Variants in FLG2 observed in about 807,000 individuals in gnomAD.
FLG2 encodes the protein filaggrin 2.
A neutral mutation model predicts 3.9 loss-of-function variants in FLG2; 7 were observed. That is an observed-to-expected ratio of 1.79 (90% CI 1.02 to 3.36). The LOEUF (loss-of-function observed/expected upper bound fraction) is 3.36, where lower values mean the gene tolerates loss of function less well. Ranked by LOEUF, FLG2 falls within the 30% of genes most tolerant of loss-of-function variation. FLG2 has a pLI of 0.00. For synonymous variants in FLG2, 1,031 were observed against 1,056.1 expected (o/e 0.98, Z 0.46); for missense variants, 2,700 against 2,809.4 (o/e 0.96, Z 0.88).
chr1:152,351,404 G>A lies in FLG2; in HGVS notation c.6382C>T (p.Gln2128Ter), dbSNP rs1360803583. 1.3e-5 allele frequency: 21 copies of A among 1,613,402 alleles called. No individual in the cohort carries two copies. Among genetic ancestry groups the A allele is most frequent in the East Asian group, 2.2e-5 (1 of 44,792 alleles). ...GACTCTCCATGTTGAGATCTGGCTT[G>A]GCCATAAGTGTGTCCTGAATGTGTG... ...SHTHSGHTYG[Q>*]ARSQHGESGS... The change falls in exon 3 of 3, where the codon CAA becomes TAA. Residue 2128 changes from glutamine (Q) to a stop codon, truncating the protein, a stop_gained. Coordinates refer to ENST00000388718, the MANE Select transcript of FLG2 (RefSeq NM_001014342.3). LOFTEE classifies it low-confidence loss of function (END_TRUNC).
rs1258436168 is a variant in FLG2 at position 152,352,438 on chromosome 1, G to C, written c.5348C>G (p.Ser1783Cys). The C allele has an allele frequency of 1.9e-6, 3 of 1,611,634 alleles. No homozygotes were observed. The African/African-American group carries it at 4.1e-5, about 22-fold the overall frequency. Residue 1783 changes from serine (S) to cysteine (C), a missense_variant, in exon 3 of 3, where the codon TCT (serine) becomes TGT (cysteine). Coordinates refer to ENST00000388718, the MANE Select transcript of FLG2 (RefSeq NM_001014342.3). ...TGTCTGTGTGGACTGTCCATGACCA[G>C]AGTGGGCATGTCTGGTGGTATCGCC... ...QTGDTTRHAH[S>C]GHGQSTQTGS...
In FLG2 at chr1:152,355,563, C is replaced by T. The variant is rs376706039; in HGVS notation, c.2223G>A (p.Gln741=). The change falls in exon 3 of 3, where the codon CAG becomes CAA. Residue 741 remains glutamine, a synonymous_variant. Transcript: ENST00000388718. ...ACCCATGTTGTCCAAAGCCAGAGGACTGACCTGAGCCTGATCCATGTTGGC... is the reference window on the plus strand; with the variant it reads ...ACCCATGTTGTCCAAAGCCAGAGGATTGACCTGAGCCTGATCCATGTTGGC... The part of the protein sequence containing the change: ...SFGQHGSGSG[Q]SSGFGQHGSG... 5.6e-6 allele frequency: 9 copies of T among 1,613,522 alleles called. No homozygotes were observed. Among genetic ancestry groups the T allele is most frequent in the Non-Finnish European group, 7.6e-6 (9 of 1,179,940 alleles).
In FLG2 at chr1:152,357,592, T is replaced by TGATCTC. The variant is rs1402522546; in HGVS notation, c.188_193dup (p.Arg63_Asp64dup). 1 of 1,614,006 alleles carries TGATCTC rather than the reference T, an allele frequency of 6.2e-7. No homozygotes were observed. Among genetic ancestry groups the TGATCTC allele is most frequent in the Non-Finnish European group, 8.5e-7 (1 of 1,180,024 alleles). ...CTCAGTAAAGTCCAATCTTCTGTCA[T>TGATCTC]GATCTCGATCCAGCATATGCATGAT... is the stretch of plus-strand genomic sequence containing the variant. On this transcript the variant is annotated inframe_insertion, in exon 3 of 3. Transcript: ENST00000388718.
Position 152,353,022 on chromosome 1 carries a change from G to GC in FLG2, c.4763dup (p.Ser1589LeufsTer19), listed in dbSNP as rs749120671. 1 of 1,613,330 alleles carries GC rather than the reference G, an allele frequency of 6.2e-7. No individual in the cohort carries two copies. The highest frequency in any genetic ancestry group is 8.5e-7 in the Non-Finnish European group (1 of 1,179,862). ...GTTCTCGTGAGTGTGGTCTGTGTGA[G>GC]CCCCCTGAGTGCACTTCACTGTCAG... On this transcript the variant is annotated frameshift_variant, in exon 3 of 3. Coordinates refer to ENST00000388718, the MANE Select transcript of FLG2 (RefSeq NM_001014342.3). LOFTEE classifies it low-confidence loss of function (END_TRUNC).
At position 152,355,594 on chromosome 1, in the gene FLG2, C is replaced by G. The variant is rs1034777960; in HGVS notation, c.2192G>C (p.Ser731Thr). The stretch of plus-strand genomic sequence containing the variant: ...TGAGCCTGATCCATGTTGGCCAAAG[C>G]TGGAAGACTGACCTGAGCTTAACTC... ...QHELSSGQSSSFGQHGSGSGQ... is the reference protein window; with the variant it reads ...QHELSSGQSSTFGQHGSGSGQ... Residue 731 changes from serine (S) to threonine (T), a missense_variant, in exon 3 of 3, where the codon AGC (serine) becomes ACC (threonine). Coordinates refer to ENST00000388718, the MANE Select transcript of FLG2 (RefSeq NM_001014342.3). 1.2e-6 allele frequency: 2 copies of G among 1,613,466 alleles called. No individual in the cohort carries two copies. The highest frequency in any genetic ancestry group is 2.7e-5 in the African/African-American group (2 of 74,704).
In FLG2 at chr1:152,354,579, A is replaced by C. The variant is rs753526349; in HGVS notation, c.3207T>G (p.Ser1069=). ...GQSSGFGQYE[S]RSRQSSYGQH... ...GGCCATAGCTAGACTGACGTGATCT[A>C]GACTCATATTGTCCAAAACCAGAGG... The change falls in exon 3 of 3, where the codon TCT becomes TCG. Residue 1069 remains serine, a synonymous_variant. Transcript: ENST00000388718. The C allele has an allele frequency of 6.8e-6, 11 of 1,613,420 alleles. No homozygotes were observed. The highest frequency in any genetic ancestry group is 9.3e-6 in the Non-Finnish European group (11 of 1,179,886).
chr1:152,355,960 T>A lies in FLG2; in HGVS notation c.1826A>T (p.His609Leu). ...ACTAGACTGACCTGATCTAGACTCA[T>A]GTTGTCCAAAGCCAGAGGATTGTCC... ...GSGQSSGFGQ[H>L]ESRSGQSSYG... is the part of the protein sequence containing the mutation. Residue 609 changes from histidine (H) to leucine (L), a missense_variant, in exon 3 of 3, where the codon CAT becomes CTT. Physicochemically the swap from His to Leu is moderately conservative, Grantham distance 99. Transcript: ENST00000388718. The A allele has an allele frequency of 6.2e-7, 1 of 1,608,940 alleles. No individual in the cohort carries two copies. The highest frequency in any genetic ancestry group is 1.3e-5 in the African/African-American group (1 of 74,088).
rs549333016 is a variant in FLG2, at chr1:152,359,671, G to A, written c.-23+285C>T. The stretch of plus-strand genomic sequence containing the variant: ...TGAGCTGGACAGCCCAGAAAAGAGG[G>A]CATGGAAAAAGACTCGGAACAGACT... On this transcript the variant is annotated intron_variant, in intron 1 of 2. Transcript: ENST00000388718. Among the ~76,000 whole-genome samples, 22 of 152,276 alleles carry A rather than the reference G, an allele frequency of 1.4e-4. 1 individual carries two copies. In the East Asian group the frequency reaches 4.1e-3, roughly 28 times the overall value.
chr1:152,358,694 A>C, intron 2 of FLG2, 53 bp downstream of exon 2: 1 of 1,577,094 alleles, frequency 6.3e-7, no homozygotes, highest in South Asian at 1.2e-5. Context: ...GGGTCATACA[A>C]CAGAGCTTGT....
chr1:152,353,757 C>G lies in FLG2; in HGVS notation c.4029G>C (p.Gln1343His), dbSNP rs756517323. 8 of 1,614,090 alleles carry G rather than the reference C, an allele frequency of 5.0e-6. No homozygotes were observed. The South Asian group carries it at 7.7e-5, about 16-fold the overall frequency. The change falls in exon 3 of 3, where the codon CAG (glutamine) becomes CAC (histidine). Residue 1343 changes from glutamine to histidine, a missense_variant. Coordinates refer to ENST00000388718, the MANE Select transcript of FLG2 (RefSeq NM_001014342.3). Reference protein sequence around the residue: ...TQTGSRTSGRQRFSHSDATDS... With the variant: ...TQTGSRTSGRHRFSHSDATDS... The stretch of plus-strand genomic sequence containing the variant: ...CAGTGGCATCACTGTGGCTAAATCT[C>G]TGTCTTCCAGATGTTCTGGAACCTG...
chr1:152,354,423 G>A lies in FLG2; in HGVS notation c.3363C>T (p.Gly1121=), dbSNP rs1654109400. 6.2e-7 allele frequency: 1 copy of A among 1,614,064 alleles called. No individual in the cohort carries two copies. The highest frequency in any genetic ancestry group is 8.5e-7 in the Non-Finnish European group (1 of 1,180,014). The change falls in exon 3 of 3, where the codon GGC becomes GGT. Residue 1121 remains glycine (G), a synonymous_variant. Coordinates refer to ENST00000388718, the MANE Select transcript of FLG2 (RefSeq NM_001014342.3). ...QSSGFGQYGS[G]SGQSSGFGQH... is the part of the protein sequence containing the mutation. ...GTCCAAAGCCAGAAGACTGACCTGAGCCCGATCCATATTGGCCAAAGCCAG... is the reference window on the plus strand; with the variant it reads ...GTCCAAAGCCAGAAGACTGACCTGAACCCGATCCATATTGGCCAAAGCCAG...
At position 152,355,433 on chromosome 1, in the gene FLG2, G is replaced by T. The variant is rs778802866; in HGVS notation, c.2353C>A (p.Gln785Lys). 4.3e-6 allele frequency: 7 copies of T among 1,612,096 alleles called. 1 individual carries two copies. In the Admixed American group the frequency reaches 5.0e-5, roughly 12 times the overall value. Residue 785 changes from glutamine to lysine, a missense_variant, in exon 3 of 3, where the codon CAA becomes AAA. By Grantham distance (53) the Gln-to-Lys change is moderately conservative (BLOSUM62 1). Transcript: ENST00000388718. ...SGSSQSSGYG[Q>K]HGSRQTSGFG... is the part of the protein sequence containing the mutation. ...CCAGATGTCTGTCTAGACCCATGTT[G>T]GCCATAGCCAGATGACTGACTTGAG... is the stretch of plus-strand genomic sequence containing the variant.
chr1:152,357,427 T>A lies in FLG2; in HGVS notation c.359A>T (p.Glu120Val), dbSNP rs773949683. The A allele has an allele frequency of 5.6e-6, 9 of 1,614,020 alleles. No individual in the cohort carries two copies. The East Asian group carries it at 1.8e-4, about 32-fold the overall frequency. ...ACCTGATTTATGTCCTGGTGTATCC[T>A]CTTCATCCTCTTCTGTTTCACTTTC... ...EEESETEEDE[E>V]DTPGHKSGYR... Residue 120 changes from glutamate (E) to valine (V), a missense_variant, in exon 3 of 3, where the codon GAG becomes GTG. Glu to Val is a moderately radical substitution (Grantham distance 121). Transcript: ENST00000388718.
rs1459164983 is a variant in FLG2 at position 152,354,852 on chromosome 1, C to A, written c.2934G>T (p.Glu978Asp). ...AGCCAGAGGATTTTCCTGAGCCTGA[C>A]TCATGTTGTCCAAAGCCAGAGGACT... Reference protein sequence around the residue: ...SGQSSGFGQHESGSGKSSGFG... With the variant: ...SGQSSGFGQHDSGSGKSSGFG... Residue 978 changes from glutamate (E) to aspartate (D), a missense_variant, in exon 3 of 3, where the codon GAG becomes GAT. By Grantham distance (45) the Glu-to-Asp change is conservative. Coordinates refer to ENST00000388718, the MANE Select transcript of FLG2 (RefSeq NM_001014342.3). 1 of 1,613,356 alleles carries A rather than the reference C, an allele frequency of 6.2e-7. No homozygotes were observed. The highest frequency in any genetic ancestry group is 1.3e-5 in the African/African-American group (1 of 74,730).
At position 152,352,559 on chromosome 1, in the gene FLG2, T is replaced by C. The variant is rs1053172536; in HGVS notation, c.5227A>G (p.Thr1743Ala). The change falls in exon 3 of 3, where the codon ACA becomes GCA. Residue 1743 changes from threonine (T) to alanine (A), a missense_variant. Physicochemically the swap from Thr to Ala is moderately conservative, Grantham distance 58 (BLOSUM62 0). Transcript: ENST00000388718. ...DSEGYSGVSHTHSGHTHGQAR... is the reference protein window; with the variant it reads ...DSEGYSGVSHAHSGHTHGQAR... ...TGGCCATGAGTGTGTCCTGAATGTGTATGTGAGACTCCTGAGTACCCTTCA... is the reference window on the plus strand; with the variant it reads ...TGGCCATGAGTGTGTCCTGAATGTGCATGTGAGACTCCTGAGTACCCTTCA... 2 of 1,613,584 alleles carry C rather than the reference T, an allele frequency of 1.2e-6. No homozygotes were observed. The highest frequency in any genetic ancestry group is 2.2e-5 in the East Asian group (1 of 44,854).
In FLG2 at chr1:152,357,039, A is replaced by T; in HGVS notation, c.747T>A (p.His249Gln). 2 of 1,614,168 alleles carry T rather than the reference A, an allele frequency of 1.2e-6. No individual in the cohort carries two copies. The highest frequency in any genetic ancestry group is 1.7e-6 in the Non-Finnish European group (2 of 1,180,026). ...GLSCGLETSG[H>Q]ESNSTQSRIR... ...TTCTTGACTGAGTAGAGTTTGATTC[A>T]TGCCCACTAGTCTCCAATCCACATG... The change falls in exon 3 of 3, where the codon CAT (histidine) becomes CAA (glutamine). Residue 249 changes from histidine to glutamine, a missense_variant. Transcript: ENST00000388718.
At position 152,353,684 on chromosome 1, in the gene FLG2, G is replaced by T. The variant is rs140668061; in HGVS notation, c.4102C>A (p.Gln1368Lys). Reference protein sequence around the residue: ...GVSHRPHSQEQTHSQAGSQHG... With the variant: ...GVSHRPHSQEKTHSQAGSQHG... ...TGAGATCCAGCTTGGCTGTGAGTTTGTTCTTGTGAGTGTGGTCTATGTGAG... is the reference window on the plus strand; with the variant it reads ...TGAGATCCAGCTTGGCTGTGAGTTTTTTCTTGTGAGTGTGGTCTATGTGAG... Residue 1368 changes from glutamine (Q) to lysine (K), a missense_variant, in exon 3 of 3, where the codon CAA (glutamine) becomes AAA (lysine). By Grantham distance (53) the Gln-to-Lys change is moderately conservative. Transcript: ENST00000388718. The T allele has an allele frequency of 5.0e-6, 8 of 1,613,978 alleles. No homozygotes were observed. The highest frequency in any genetic ancestry group is 6.8e-6 in the Non-Finnish European group (8 of 1,180,020).
At position 152,351,164 on chromosome 1, in the gene FLG2, G is replaced by C. The variant is rs145035193; in HGVS notation, c.6622C>G (p.His2208Asp). The C allele has an allele frequency of 1.1e-5, 18 of 1,613,884 alleles. No individual in the cohort carries two copies. The highest frequency in any genetic ancestry group is 1.5e-5 in the Non-Finnish European group (18 of 1,179,988). Residue 2208 changes from histidine to aspartate, a missense_variant, in exon 3 of 3, where the codon CAT becomes GAT. Transcript: ENST00000388718. ...TGACCTGAGGATCCTGACTGTCCAT[G>C]TCGAGATCCGGCTTGGCTGTGAGTG... ...GHTHSQAGSR[H>D]GQSGSSGHGR...
rs1201147185 is a variant in FLG2, at chr1:152,356,827, CCTGA to C, written c.955_958del (p.Ser319GlufsTer117). The C allele has an allele frequency of 1.9e-6, 3 of 1,614,096 alleles. No individual in the cohort carries two copies. Among genetic ancestry groups the C allele is most frequent in the African/African-American group, 1.3e-5 (1 of 74,924 alleles). The stretch of plus-strand genomic sequence containing the variant: ...GCCATGGCCTTGTCCTCCCTTAATT[CCTGA>C]CTGACAGCCTGACTGAATATAGCTA... On this transcript the variant is annotated frameshift_variant, in exon 3 of 3. Coordinates refer to ENST00000388718, the MANE Select transcript of FLG2 (RefSeq NM_001014342.3). LOFTEE classifies it low-confidence loss of function (END_TRUNC).
Sources: allele counts gnomAD v4.1 joint callset (sites outside exome capture counted in the v4.1 genomes callset), GRCh38; gene constraint gnomAD v4.1.1; transcripts MANE v1.5; gene names NCBI Gene and HGNC (gene_info 2026-07-23, HGNC 2026-07-21).